Variants in ZC4H2 observed in about 807,000 individuals in gnomAD.
ZC4H2 encodes zinc finger C4H2-type containing, also known as zinc finger C4H2 domain-containing protein.
For missense variants in ZC4H2, 137 were observed against 173.9 expected (o/e 0.79, Z 1.19); for synonymous variants, 84 against 66.3 (o/e 1.27, Z -1.30).
At chrX:65,017,370 C>T (rs887474753) in intron 1 of ZC4H2, among the ~76,000 whole-genome samples, 2 of 112,382 alleles carry the variant, frequency 1.8e-5, no homozygotes, top group Non-Finnish European at 3.8e-5. Context: ...ATTTTCCAAC[C>T]TGGTTCAATG....
chrX:64,935,927 T>A (rs1372011188), intron 1 of ZC4H2, among the ~76,000 whole-genome samples: 1 of 110,923 alleles, frequency 9.0e-6, no homozygotes, highest in African/African-American at 3.3e-5. Flanking sequence ...ATGAGTTTGA[T>A]GAACAGACAG....
At chrX:64,951,651 T>G (rs185778110) in intron 1 of ZC4H2, among the ~76,000 whole-genome samples, 1 of 111,811 alleles carries the variant, frequency 8.9e-6, no homozygotes, top group African/African-American at 3.3e-5. Context: ...TGGGGTTGTT[T>G]GTTTTTTCTT....
chrX:64,928,768 TTTC>T (rs1195551412), intron 1 of ZC4H2, among the ~76,000 whole-genome samples: 7 of 101,800 alleles, frequency 6.9e-5, no homozygotes, highest in South Asian at 4.9e-4. Context: ...TTCTTCTTCT[TTTC>T]TTCTTCTCTT....
At chrX:64,979,572 G>A (rs1335376880), upstream of ZC4H2, among the ~76,000 whole-genome samples, 1 of 112,017 alleles carries the variant, frequency 8.9e-6, no homozygotes, top group Non-Finnish European at 1.9e-5. Context: ...TGAGAGGAAG[G>A]AAAATGTTGT....
chrX:64,967,032 T>G (rs1450824937), intron 1 of ZC4H2, among the ~76,000 whole-genome samples: 1 of 111,518 alleles, frequency 9.0e-6, no homozygotes, highest in Non-Finnish European at 1.9e-5. Flanking sequence ...ACATAACTTC[T>G]AAGCATGCTC....
upstream of ZC4H2, among the ~76,000 whole-genome samples, chrX:64,978,304 A>C (rs1404858721): frequency 8.9e-6 from 1 of 112,086 alleles, no homozygotes; most frequent in Non-Finnish European, 1.9e-5. Flanking sequence ...CTTTGGATCC[A>C]AGATGTAATA....
chrX:64,937,302 C>A (rs372901667), intron 1 of ZC4H2, among the ~76,000 whole-genome samples: 65 of 110,988 alleles, frequency 5.9e-4, no homozygotes, highest in African/African-American at 1.9e-3. Flanking sequence ...TCTTAGAGAC[C>A]TGCAAAGAAA....
intron 1 of ZC4H2, among the ~76,000 whole-genome samples, chrX:64,952,670 G>A (rs1602413292): frequency 9.1e-6 from 1 of 110,295 alleles, no homozygotes; most frequent in African/African-American, 3.3e-5. Flanking sequence ...AATAAAGGAG[G>A]ATACAAACAA....
Position 64,975,098 on chromosome X carries a change from C to T in ZC4H2, c.53+1227G>A, listed in dbSNP as rs145255254. On this transcript the variant is annotated intron_variant, in intron 1 of 4. Coordinates refer to ENST00000374839, the MANE Select transcript of ZC4H2 (RefSeq NM_018684.4). ...ACCAACAAAATGTGGCAATTTCAAGCTGCGTGGCTGTGGGAAAATCACTCA... is the reference window on the plus strand; with the variant it reads ...ACCAACAAAATGTGGCAATTTCAAGTTGCGTGGCTGTGGGAAAATCACTCA... 1.9e-3 allele frequency among the ~76,000 whole-genome samples: 206 copies of T among 110,043 alleles called. 4 individuals carry two copies. The East Asian group carries it at 0.038, about 20-fold the overall frequency.
At chrX:64,966,227 T>A (rs1931586765) in intron 1 of ZC4H2, among the ~76,000 whole-genome samples, 1 of 111,897 alleles carries the variant, frequency 8.9e-6, no homozygotes, top group African/African-American at 3.3e-5. Context: ...ATTAGGAATA[T>A]GCAAGTTAAA....
chrX:64,917,586 G>A lies in ZC4H2; in HGVS notation c.*197C>T. 1 of 535,138 alleles carries A rather than the reference G, an allele frequency of 1.9e-6. No homozygotes were observed. The highest frequency in any genetic ancestry group is 2.9e-6 in the Non-Finnish European group (1 of 345,748). The allele number at this position is 535,138 out of a possible 1,213,427, so 44.1% of individuals were successfully genotyped here. A position where few individuals can be genotyped will look rare whatever the true frequency, so the allele number is the denominator to read the frequency against. ...TCATCAGACACACTGTTTAGCACCTGAACCACATCTCTTCCTAAACCAGAA... is the reference window on the plus strand; with the variant it reads ...TCATCAGACACACTGTTTAGCACCTAAACCACATCTCTTCCTAAACCAGAA... On this transcript the variant is annotated 3_prime_UTR_variant, in exon 5 of 5. Transcript: ENST00000374839.
chrX:64,929,072 T>C (rs1039198399), intron 1 of ZC4H2, among the ~76,000 whole-genome samples: 10 of 109,899 alleles, frequency 9.1e-5, no homozygotes, highest in Non-Finnish European at 1.5e-4. Context: ...GTTTTCTTTT[T>C]AGTAGAGGCA....
At chrX:64,945,112 G>A (rs752883698) in intron 1 of ZC4H2, among the ~76,000 whole-genome samples, 24 of 112,759 alleles carry the variant, frequency 2.1e-4, no homozygotes, top group East Asian at 1.1e-3. Context: ...ATCCAGTTTC[G>A]TGCCCTTGCT....
chrX:64,989,805 G>A (rs1034632926), intron 1 of ZC4H2, among the ~76,000 whole-genome samples: 7 of 111,811 alleles, frequency 6.3e-5, no homozygotes, highest in South Asian at 3.7e-4. Context: ...TTTGGGAAAC[G>A]CAAATTAAGA....
chrX:64,918,014 T>C, intron 4 of ZC4H2, 118 bp from the exon 5 acceptor site: 1 of 859,834 alleles, frequency 1.2e-6, no homozygotes, highest in Non-Finnish European at 1.6e-6. Flanking sequence ...AAGAGAGCAA[T>C]AATCAGTGAG....
At chrX:64,930,110 A>C (rs1263701855) in intron 1 of ZC4H2, among the ~76,000 whole-genome samples, 2 of 110,506 alleles carry the variant, frequency 1.8e-5, no homozygotes, top group Admixed American at 1.9e-4. Context: ...TAAATATCTT[A>C]TTATTATTAT....
chrX:65,008,449 A>T (rs1468251219), intron 1 of ZC4H2, among the ~76,000 whole-genome samples: 2 of 112,223 alleles, frequency 1.8e-5, no homozygotes, highest in Non-Finnish European at 3.8e-5. Context: ...TGATCGGGCA[A>T]TCCCAATGCT....
At chrX:65,008,692 T>C (rs1322628605) in intron 1 of ZC4H2, among the ~76,000 whole-genome samples, 2 of 112,307 alleles carry the variant, frequency 1.8e-5, no homozygotes, top group African/African-American at 3.2e-5. Flanking sequence ...GGCCATTATG[T>C]TAAGTGAGGT....
intron 1 of ZC4H2, among the ~76,000 whole-genome samples, chrX:65,027,701 A>G (rs1932893523): frequency 8.9e-6 from 1 of 111,749 alleles, no homozygotes; most frequent in Non-Finnish European, 1.9e-5. Flanking sequence ...GGATTAGATC[A>G]TACTTTGCTT....
Sources: gnomAD v4.1 joint callset for allele counts (sites outside exome capture counted in the v4.1 genomes callset) on GRCh38, gnomAD v4.1.1 for gene constraint, MANE v1.5 for transcripts, NCBI Gene and HGNC (gene_info 2026-07-23, HGNC 2026-07-21) for gene names.